SLIT3: variants seen among roughly 807,000 people sequenced by gnomAD.
SLIT3 encodes slit homolog 3 protein.
Under a neutral mutation model 184.0 loss-of-function variants are expected in SLIT3, and 68 were observed. That is an observed-to-expected ratio of 0.37 (90% CI 0.30 to 0.45). The LOEUF is 0.45. Ranked by LOEUF, SLIT3 falls within the 20% of genes least tolerant of loss-of-function variation. The pLI, the probability that SLIT3 is intolerant of heterozygous loss-of-function variation, is 1.00. For synonymous variants in SLIT3, 831 were observed against 828.6 expected (o/e 1.00, Z -0.05); for missense variants, 1,707 against 2,026.0 (o/e 0.84, Z 3.02).
chr5:168,865,659 A>C (rs1328279173), intron 5 of SLIT3, among the ~76,000 whole-genome samples: 3 of 152,238 alleles, frequency 2.0e-5, no homozygotes, highest in Non-Finnish European at 4.4e-5. Context: ...GATAAATAGA[A>C]TCATACAGAT....
Position 169,234,438 on chromosome 5 carries a change from T to C in SLIT3, c.341+10267A>G, listed in dbSNP as rs569386921. On this transcript the variant is annotated intron_variant, in intron 3 of 35. Transcript: ENST00000519560. ...TTTTTGTTTTTTCTGAGATGCAGTC[T>C]CACTCTGTCCCAGGCTGGAGTGCAG... Among the ~76,000 whole-genome samples the C allele has an allele frequency of 1.1e-4, 16 of 152,316 alleles. No individual in the cohort carries two copies. The South Asian group carries it at 2.7e-3, about 26-fold the overall frequency.
chr5:169,236,552 C>A (rs921175680), intron 3 of SLIT3, among the ~76,000 whole-genome samples: 1 of 151,688 alleles, frequency 6.6e-6, no homozygotes, highest in Non-Finnish European at 1.5e-5. Context: ...CTCACTACAA[C>A]CTCTGCCACC....
chr5:168,816,183 CTTTTA>C (rs1217365334), intron 8 of SLIT3, among the ~76,000 whole-genome samples: 1 of 151,962 alleles, frequency 6.6e-6, no homozygotes, highest in African/African-American at 2.4e-5. Flanking sequence ...GACCCTGGTT[CTTTTA>C]TTTATTTTTT....
chr5:169,281,357 T>C (rs1252555150), intron 1 of SLIT3, among the ~76,000 whole-genome samples: 3 of 152,070 alleles, frequency 2.0e-5, no homozygotes, highest in African/African-American at 7.2e-5. Flanking sequence ...GTGCCTGTAA[T>C]CCCAGCTACT....
chr5:169,180,732 T>G (rs990933853), intron 4 of SLIT3, among the ~76,000 whole-genome samples: 1 of 152,222 alleles, frequency 6.6e-6, no homozygotes, highest in Non-Finnish European at 1.5e-5. Flanking sequence ...CCATTAGACC[T>G]AATGATCTCC....
At chr5:169,181,783 C>T (rs1345961537) in intron 4 of SLIT3, among the ~76,000 whole-genome samples, 4 of 151,818 alleles carry the variant, frequency 2.6e-5, no homozygotes, top group Non-Finnish European at 5.9e-5. Flanking sequence ...ATCTGAGTAT[C>T]TTGATCCACA....
At chr5:169,177,193 T>G (rs901169559) in intron 4 of SLIT3, among the ~76,000 whole-genome samples, 1 of 152,152 alleles carries the variant, frequency 6.6e-6, no homozygotes, top group Non-Finnish European at 1.5e-5. Context: ...GAGCTATTAG[T>G]CTATCACTGC....
intron 16 of SLIT3, among the ~76,000 whole-genome samples, chr5:168,755,395 TTCTTTCTTTCTTTC>T (rs1754867149): frequency 7.1e-5 from 1 of 14,002 alleles, no homozygotes; most frequent in Non-Finnish European, 1.2e-4. Flanking sequence ...CGCCATTTCT[TTCTTTCTTTCTTTC>T]TTTCTTTCTT....
intron 4 of SLIT3, among the ~76,000 whole-genome samples, chr5:169,179,280 T>C (rs1247134026): frequency 4.5e-5 from 6 of 132,696 alleles, no homozygotes; most frequent in South Asian, 4.3e-4. Flanking sequence ...CTTTTTCTTT[T>C]TTTTTTTTTT....
intron 6 of SLIT3, among the ~76,000 whole-genome samples, chr5:168,827,199 G>A (rs894223863): frequency 6.6e-6 from 1 of 152,226 alleles, no homozygotes; most frequent in Non-Finnish European, 1.5e-5. Flanking sequence ...TGAGGCCCAT[G>A]TTAGTTTCCT....
At chr5:168,683,628 A>G (rs1761657441) in intron 32 of SLIT3, among the ~76,000 whole-genome samples, 1 of 152,132 alleles carries the variant, frequency 6.6e-6, no homozygotes, top group Non-Finnish European at 1.5e-5. Context: ...CTAATAAAAG[A>G]TTAAGATGAC....
chr5:168,813,076 T>C (rs971326853), intron 8 of SLIT3, among the ~76,000 whole-genome samples: 1 of 152,102 alleles, frequency 6.6e-6, no homozygotes, highest in African/African-American at 2.4e-5. Context: ...CTAATGTCTG[T>C]AGGAAAGGAT....
At chr5:168,809,048 G>C (rs890998292) in intron 8 of SLIT3, among the ~76,000 whole-genome samples, 29 of 152,146 alleles carry the variant, frequency 1.9e-4, no homozygotes, top group African/African-American at 6.5e-4. Flanking sequence ...TTTGATCTGT[G>C]AAATATTACT....
chr5:169,098,262 G>A (rs904727337), intron 4 of SLIT3, among the ~76,000 whole-genome samples: 11 of 152,090 alleles, frequency 7.2e-5, no homozygotes, highest in African/African-American at 2.2e-4. Flanking sequence ...TAAAAAGAAC[G>A]TCATCCCTTT....
At chr5:169,199,526 A>T (rs987758490) in intron 3 of SLIT3, among the ~76,000 whole-genome samples, 7 of 152,214 alleles carry the variant, frequency 4.6e-5, no homozygotes, top group African/African-American at 1.7e-4. Flanking sequence ...AGCTAATAGC[A>T]GTAGTTAGTA....
Position 169,300,845 on chromosome 5 carries a change from G to T in SLIT3, c.-136C>A. 2 of 897,156 alleles carry T rather than the reference G, an allele frequency of 2.2e-6. No individual in the cohort carries two copies. The highest frequency in any genetic ancestry group is 2.9e-6 in the Non-Finnish European group (2 of 694,106). 55.6% of individuals were successfully genotyped at this position (897,156 alleles called of 1,614,324 possible). A position where few individuals can be genotyped will look rare whatever the true frequency, so the allele number is the denominator to read the frequency against. On this transcript the variant is annotated 5_prime_UTR_variant, in exon 1 of 36. Transcript: ENST00000519560. The surrounding 1 kb of genome is among the most constrained non-coding windows in gnomAD (Gnocchi z 4.1). The stretch of plus-strand genomic sequence containing the variant: ...AGCGCGGAGGAGGGGCGAGCTCGGT[G>T]CTCAGGCGCACGGGGCGCGGGCGGA...
chr5:168,819,617 G>A (rs1219894469), intron 7 of SLIT3, among the ~76,000 whole-genome samples: 4 of 152,184 alleles, frequency 2.6e-5, no homozygotes, highest in African/African-American at 9.7e-5. Context: ...ACAAATTCCC[G>A]TCGGTTCCGA....
intron 4 of SLIT3, among the ~76,000 whole-genome samples, chr5:169,145,968 T>C (rs1182818989): frequency 1.3e-5 from 2 of 152,148 alleles, no homozygotes; most frequent in Non-Finnish European, 2.9e-5. Flanking sequence ...GGAGAATCAC[T>C]TAAACCCAGG....
At chr5:169,265,351 G>T (rs1345084542) in intron 1 of SLIT3, among the ~76,000 whole-genome samples, 1 of 152,128 alleles carries the variant, frequency 6.6e-6, no homozygotes, top group African/African-American at 2.4e-5. Flanking sequence ...CTACAATTCT[G>T]GCTTGTCTCC....
Sources: gnomAD v4.1 joint callset for allele counts (sites outside exome capture counted in the v4.1 genomes callset) on GRCh38, gnomAD v4.1.1 for gene constraint, Gnocchi (gnomAD v3.1) non-coding constraint, MANE v1.5 for transcripts, NCBI Gene and HGNC (gene_info 2026-07-23, HGNC 2026-07-21) for gene names.